The following BOC variants were observed in gnomAD, a reference collection of about 807,000 sequenced individuals.
BOC encodes brother of CDO.
A neutral mutation model predicts 112.0 loss-of-function variants in BOC; 76 were observed. The ratio of observed to expected loss-of-function variants is 0.68; its 90% CI spans 0.56 to 0.82. BOC has a LOEUF of 0.82. BOC is among the 40% of genes least tolerant of loss of function. BOC has a pLI of 0.00. For missense variants in BOC, 1,309 were observed against 1,511.7 expected, an observed-to-expected ratio of 0.87 and a Z score of 2.22; for synonymous variants, 580 against 599.8, an observed-to-expected ratio of 0.97 and a Z score of 0.48.
chr3:113,216,353 A>T (rs1939365802), intron 2 of BOC, 79 bp downstream of exon 2: 1 of 441,466 alleles, frequency 2.3e-6, no homozygotes, highest in East Asian at 7.1e-5. Context: ...GTTACCACTT[A>T]GAGATAGTTT....
intron 2 of BOC, among the ~76,000 whole-genome samples, chr3:113,223,744 C>A (rs1385267702): frequency 2.0e-5 from 3 of 152,132 alleles, no homozygotes; most frequent in Non-Finnish European, 4.4e-5. Context: ...CTTGGCAATC[C>A]CCTTCAGTTT....
Position 113,283,619 on chromosome 3 carries a change from C to T in BOC, c.2643C>T (p.Ala881=), listed in dbSNP as rs770158544. ...VTFIPFCLWR[A]WSKQKHTTDL... ...TCATCCCCTTCTGCTTGTGGAGGGC[C>T]TGGTCTAAGCAAAGTGAGTGAGTGA... The change falls in exon 16 of 20, where the codon GCC becomes GCT. Residue 881 remains alanine (A), a synonymous_variant. Coordinates refer to ENST00000682979, the MANE Select transcript of BOC (RefSeq NM_001378074.1). 60 of 1,613,380 alleles carry T rather than the reference C, an allele frequency of 3.7e-5. No individual in the cohort carries two copies. The highest frequency in any genetic ancestry group is 4.9e-5 in the Non-Finnish European group (58 of 1,179,808).
chr3:113,283,938 T>C (rs753762895), intron 16 of BOC, among the ~76,000 whole-genome samples: 10 of 152,050 alleles, frequency 6.6e-5, no homozygotes, highest in Non-Finnish European at 1.3e-4. Context: ...CAGTCCATCC[T>C]GCCTCTTCCC....
At chr3:113,224,965 T>C (rs1021959085) in intron 2 of BOC, among the ~76,000 whole-genome samples, 1 of 151,994 alleles carries the variant, frequency 6.6e-6, no homozygotes, top group African/African-American at 2.4e-5. Flanking sequence ...TAGTCCCAGC[T>C]ACTCGGGAGG....
At chr3:113,252,387 T>G (rs1945742750) in intron 4 of BOC, among the ~76,000 whole-genome samples, 1 of 152,218 alleles carries the variant, frequency 6.6e-6, no homozygotes, top group African/African-American at 2.4e-5. Flanking sequence ...CCCTTGTGGA[T>G]GACGTGCTTC....
At chr3:113,247,500 G>GGA (rs138493166) in intron 2 of BOC, among the ~76,000 whole-genome samples, 1 of 125,802 alleles carries the variant, frequency 7.9e-6, no homozygotes, top group East Asian at 2.3e-4. Context: ...GCCCTGATAG[G>GGA]AAAAAAAAAA....
intron 17 of BOC, 73 bp from the exon 18 acceptor site, chr3:113,284,709 G>C (rs1446514545): frequency 6.5e-7 from 1 of 1,529,306 alleles, no homozygotes; most frequent in Non-Finnish European, 9.1e-7. Context: ...AGATGCTCCT[G>C]TTGTTGAGTG....
At chr3:113,283,798 G>C (rs1949414126) in intron 16 of BOC, among the ~76,000 whole-genome samples, 166 bp downstream of exon 16, 1 of 151,766 alleles carries the variant, frequency 6.6e-6, no homozygotes, top group African/African-American at 2.4e-5. Flanking sequence ...CCAGCTCACA[G>C]ACCTCGGCTT....
intron 4 of BOC, among the ~76,000 whole-genome samples, chr3:113,257,850 C>T (rs1037026558): frequency 6.6e-6 from 1 of 152,212 alleles, no homozygotes; most frequent in Non-Finnish European, 1.5e-5. Flanking sequence ...GCAAAGCACT[C>T]ATTCTCCAGT....
In BOC at chr3:113,274,070, C is replaced by T. The variant is rs879556602; in HGVS notation, c.1235-305C>T. On this transcript the variant is annotated intron_variant, in intron 8 of 19. Coordinates refer to ENST00000682979, the MANE Select transcript of BOC (RefSeq NM_001378074.1). The surrounding 1 kb of genome is among the most constrained non-coding windows in gnomAD (Gnocchi z 4.8). The stretch of plus-strand genomic sequence containing the variant: ...AGGAAGGCGCAGGGTTCCTGGGCCT[C>T]GGGAGAAAATTGAGTTAGTTCACTG... 2.0e-5 allele frequency among the ~76,000 whole-genome samples: 3 copies of T among 152,176 alleles called. No individual in the cohort carries two copies. The highest frequency in any genetic ancestry group is 2.0e-4 in the Admixed American group (3 of 15,284).
intron 2 of BOC, among the ~76,000 whole-genome samples, chr3:113,246,609 T>C (rs946118459): frequency 5.3e-5 from 8 of 152,172 alleles, no homozygotes; most frequent in African/African-American, 1.2e-4. Flanking sequence ...AAATGCATCA[T>C]TTTATGTATT....
chr3:113,224,101 C>T (rs1199904483), intron 2 of BOC, among the ~76,000 whole-genome samples: 4 of 152,316 alleles, frequency 2.6e-5, no homozygotes, highest in South Asian at 2.1e-4. Context: ...TTTGGAGCTG[C>T]GGATAGCGGT....
rs922380291 is a variant in BOC, at chr3:113,268,397, G to A, written c.475G>A (p.Ala159Thr). 6.2e-7 allele frequency: 1 copy of A among 1,614,148 alleles called. No individual in the cohort carries two copies. The highest frequency in any genetic ancestry group is 1.3e-5 in the African/African-American group (1 of 75,054). ...CCACCTGCCTGAGAGCCACCCCAAA[G>A]CCCAGGTCCGGTACAGCGTCAAACA... ...ACHLPESHPK[A>T]QVRYSVKQEW... The change falls in exon 5 of 20, where the codon GCC (alanine) becomes ACC (threonine). Residue 159 changes from alanine (A) to threonine (T), a missense_variant. Coordinates refer to ENST00000682979, the MANE Select transcript of BOC (RefSeq NM_001378074.1).
At chr3:113,261,536 C>T (rs1293461721) in intron 4 of BOC, among the ~76,000 whole-genome samples, 1 of 152,154 alleles carries the variant, frequency 6.6e-6, no homozygotes, top group Non-Finnish European at 1.5e-5. Flanking sequence ...CATCTGTGTT[C>T]ATCTGGCTGC....
At chr3:113,271,684 C>A (rs868807373) in intron 6 of BOC, 1 of 171,562 alleles carries the variant, frequency 5.8e-6, no homozygotes, top group African/African-American at 2.4e-5. Context: ...TTTAGAAAAC[C>A]TGGGTGTGTC....
intron 12 of BOC, 49 bp downstream of exon 12, chr3:113,279,504 C>G (rs1254128477): frequency 1.3e-6 from 2 of 1,565,750 alleles, no homozygotes; most frequent in Non-Finnish European, 8.7e-7. Flanking sequence ...CCAGCTGCCC[C>G]TTTCCGCCTG....
intron 17 of BOC, 22 bp from the exon 18 acceptor site, chr3:113,284,760 C>T (rs752810405): frequency 6.2e-7 from 1 of 1,612,630 alleles, no homozygotes; most frequent in Admixed American, 1.7e-5. Flanking sequence ...GTGGCCGTCT[C>T]ATTACTCTTC....
chr3:113,286,375 C>T (rs1362734769), intron 19 of BOC, among the ~76,000 whole-genome samples: 1 of 152,174 alleles, frequency 6.6e-6, no homozygotes, highest in African/African-American at 2.4e-5. Flanking sequence ...ATAGAAAGAG[C>T]AGGGCTTCCT....
At chr3:113,281,230 T>G in intron 15 of BOC, 77 bp downstream of exon 15, 1 of 1,550,312 alleles carries the variant, frequency 6.5e-7, no homozygotes. Context: ...CCTGTGCCTG[T>G]GCGGTGCTGG....
Sources: allele counts gnomAD v4.1 joint callset (sites outside exome capture counted in the v4.1 genomes callset), GRCh38; gene constraint gnomAD v4.1.1; non-coding constraint Gnocchi (gnomAD v3.1); transcripts MANE v1.5; gene names NCBI Gene and HGNC (gene_info 2026-07-23, HGNC 2026-07-21).